The following NEDD4 variants were observed in gnomAD, a reference collection of about 807,000 sequenced individuals.
The protein encoded by NEDD4 is E3 ubiquitin-protein ligase NEDD4.
Under a neutral mutation model 144.9 loss-of-function variants are expected in NEDD4, and 99 were observed. That is an observed-to-expected ratio of 0.68 (90% CI 0.58 to 0.81). The LOEUF (loss-of-function observed/expected upper bound fraction) is 0.81, where lower values mean the gene tolerates loss of function less well. NEDD4 is among the 30% of genes least tolerant of loss of function. The probability of loss-of-function intolerance (pLI) is 0.00; values close to 1 mark genes in which losing one functional copy is unlikely to be tolerated. For missense variants in NEDD4, 985 were observed against 1,065.9 expected, an observed-to-expected ratio of 0.92 and a Z score of 1.06; for synonymous variants, 318 against 350.6, an observed-to-expected ratio of 0.91 and a Z score of 1.04.
At chr15:55,895,777 T>C (rs1270235482) in intron 5 of NEDD4, among the ~76,000 whole-genome samples, 1 of 152,208 alleles carries the variant, frequency 6.6e-6, no homozygotes, top group African/African-American at 2.4e-5. Context: ...TGAGCAATGA[T>C]TGTTAATAGC....
intron 8 of NEDD4, among the ~76,000 whole-genome samples, chr15:55,868,829 C>A (rs1178827566): frequency 2.0e-5 from 3 of 152,098 alleles, no homozygotes; most frequent in Non-Finnish European, 4.4e-5. Flanking sequence ...CTTTCCAAAT[C>A]ATAAATTTTT....
At chr15:55,852,392 G>A (rs760461560) in intron 13 of NEDD4, 32 bp downstream of exon 13, 2 of 1,593,720 alleles carry the variant, frequency 1.3e-6, no homozygotes, top group African/African-American at 2.7e-5. Flanking sequence ...TTTAAATCCT[G>A]TAAGAAAGCA....
At chr15:55,991,931 G>A (rs1361546101) in intron 1 of NEDD4, 1 of 152,192 alleles carries the variant, frequency 6.6e-6, no homozygotes, top group Admixed American at 6.5e-5. Context: ...GATACCTTTG[G>A]CACTATTTTC....
chr15:55,869,166 C>T (rs1256075256), intron 8 of NEDD4, among the ~76,000 whole-genome samples: 2 of 152,110 alleles, frequency 1.3e-5, no homozygotes, highest in Non-Finnish European at 2.9e-5. Context: ...CTCCCTAATT[C>T]CCCTCCTTTC....
chr15:55,971,541 C>G (rs1167398351), intron 1 of NEDD4, among the ~76,000 whole-genome samples: 1 of 149,166 alleles, frequency 6.7e-6, no homozygotes, highest in Non-Finnish European at 1.5e-5. Flanking sequence ...AGGAGAAATG[C>G]TTGAATCTGG....
chr15:55,926,231 T>A (rs1158763279), intron 4 of NEDD4, among the ~76,000 whole-genome samples: 1 of 152,188 alleles, frequency 6.6e-6, no homozygotes, highest in Non-Finnish European at 1.5e-5. Flanking sequence ...TATGTCTATC[T>A]AGAAATGTAT....
chr15:55,847,011 G>A lies in NEDD4; in HGVS notation c.1566C>T (p.Tyr522=). ...TGPAVPYSRD[Y]KRKYEFFRRK... Reference sequence around the variant, plus strand: ...TTCGGAAGAACTCATACTTTCTTTTGTAATCCCTGGAGTAGGGCACTGCCT... The same window carrying A: ...TTCGGAAGAACTCATACTTTCTTTTATAATCCCTGGAGTAGGGCACTGCCT... Residue 522 remains tyrosine (Y), a synonymous_variant, in exon 18 of 29, where the codon TAC becomes TAT. Transcript: ENST00000435532. 1.2e-6 allele frequency: 2 copies of A among 1,609,640 alleles called. No individual in the cohort carries two copies.
At chr15:55,967,869 C>T (rs1044771797) in intron 1 of NEDD4, among the ~76,000 whole-genome samples, 20 of 151,932 alleles carry the variant, frequency 1.3e-4, no homozygotes, top group Non-Finnish European at 1.5e-4. Flanking sequence ...AAAAATAAGC[C>T]AGGCATGATA....
chr15:55,836,820 G>A (rs569664446), intron 24 of NEDD4, among the ~76,000 whole-genome samples: 21 of 151,846 alleles, frequency 1.4e-4, no homozygotes, highest in Non-Finnish European at 2.5e-4. Flanking sequence ...GAGCCACCGC[G>A]CCCAAATTTT....
At chr15:55,985,756 CACAT>C (rs1454368040) in intron 1 of NEDD4, among the ~76,000 whole-genome samples, 2 of 110,748 alleles carry the variant, frequency 1.8e-5, no homozygotes, top group African/African-American at 8.5e-5. Context: ...GTGTAGAGTA[CACAT>C]ACACACACAC....
intron 15 of NEDD4, 110 bp from the exon 16 acceptor site, chr15:55,848,685 T>C: frequency 7.9e-7 from 1 of 1,267,092 alleles, no homozygotes; most frequent in Admixed American, 1.8e-5. Flanking sequence ...CATTCCATTC[T>C]TAGAAGGTAT....
At chr15:55,833,153 A>G (rs1384354688) in intron 26 of NEDD4, 49 bp from the exon 27 acceptor site, 1 of 1,154,348 alleles carries the variant, frequency 8.7e-7, no homozygotes, top group Non-Finnish European at 1.3e-6. Flanking sequence ...GGAAAGAGGT[A>G]AACAAATTAT....
chr15:55,911,184 T>C (rs2036261393), intron 5 of NEDD4, among the ~76,000 whole-genome samples: 1 of 152,150 alleles, frequency 6.6e-6, no homozygotes, highest in Non-Finnish European at 1.5e-5. Context: ...TCTGGCAATG[T>C]CTGGGGACAC....
chr15:55,931,965 T>A lies in NEDD4; in HGVS notation c.238-7266A>T, dbSNP rs567444759. On this transcript the variant is annotated intron_variant, in intron 4 of 28. Transcript: ENST00000435532. ...AATCTACTTTCTGTCTCCATAGATTTGCCTATTCTGGACATTTCATGTAAG... is the reference window on the plus strand; with the variant it reads ...AATCTACTTTCTGTCTCCATAGATTAGCCTATTCTGGACATTTCATGTAAG... Among the ~76,000 whole-genome samples, 15 of 152,354 alleles carry A rather than the reference T, an allele frequency of 9.8e-5. 1 individual carries two copies. In the South Asian group the frequency reaches 3.1e-3, roughly 32 times the overall value.
intron 4 of NEDD4, among the ~76,000 whole-genome samples, chr15:55,933,260 G>A (rs1035418301): frequency 6.6e-6 from 1 of 152,030 alleles, no homozygotes; most frequent in Non-Finnish European, 1.5e-5. Flanking sequence ...ATTCACAATA[G>A]CAAAGACTTG....
chr15:55,941,509 G>C (rs535350157), intron 4 of NEDD4, among the ~76,000 whole-genome samples: 1 of 151,160 alleles, frequency 6.6e-6, no homozygotes, highest in Admixed American at 6.6e-5. Flanking sequence ...ATACATACGT[G>C]TGTTACTGAA....
At chr15:55,847,118 G>A (rs1008269254) in intron 17 of NEDD4, 84 bp from the exon 18 acceptor site, 203 of 774,454 alleles carry the variant, frequency 2.6e-4, no homozygotes, top group Middle Eastern at 1.5e-3. Flanking sequence ...TTTTATGAAC[G>A]TAAGGGCATT....
intron 4 of NEDD4, among the ~76,000 whole-genome samples, chr15:55,933,087 G>C (rs967620423): frequency 1.6e-4 from 24 of 152,184 alleles, no homozygotes; most frequent in Non-Finnish European, 3.2e-4. Flanking sequence ...TGGTGGGACT[G>C]TAAACTAGTT....
intron 5 of NEDD4, among the ~76,000 whole-genome samples, chr15:55,889,464 A>C (rs56220861): frequency 0.14 from 21,774 of 152,120 alleles, 1,707 homozygotes; most frequent in East Asian, 0.36. Flanking sequence ...TGAAATAAGC[A>C]AGGCACAGAA....
Sources: allele counts gnomAD v4.1 joint callset (sites outside exome capture counted in the v4.1 genomes callset), GRCh38; gene constraint gnomAD v4.1.1; transcripts MANE v1.5; gene names NCBI Gene and HGNC (gene_info 2026-07-23, HGNC 2026-07-21).